Variants in OR6Y1 observed in about 807,000 individuals in gnomAD.
OR6Y1 encodes olfactory receptor family 6 subfamily Y member 1.
OR6Y1 carries 1 observed loss-of-function variant against 0.4 expected under a neutral mutation model. The observed-to-expected ratio is 2.74, with a 90% CI of 0.97 to 13.02. The LOEUF is 13.02. Ranked by LOEUF, OR6Y1 falls within the 30% of genes most tolerant of loss-of-function variation. OR6Y1 has a pLI of 0.12. For synonymous variants in OR6Y1, 173 were observed against 141.1 expected (o/e 1.23, Z -1.60); for missense variants, 480 against 399.8 (o/e 1.20, Z -1.71).
chr1:158,548,030 G>A lies in OR6Y1; in HGVS notation c.76C>T (p.Pro26Ser), dbSNP rs1462821404. 1 of 1,613,458 alleles carries A rather than the reference G, an allele frequency of 6.2e-7. No individual in the cohort carries two copies. Among genetic ancestry groups the A allele is most frequent in the Non-Finnish European group, 8.5e-7 (1 of 1,179,990 alleles). The change falls in exon 2 of 2, where the codon CCA becomes TCA. Residue 26 changes from proline (P) to serine (S), a missense_variant. Pro to Ser is a moderately conservative substitution (Grantham distance 74). Coordinates refer to ENST00000641622, the MANE Select transcript of OR6Y1 (RefSeq NM_001005189.2). ...GAGAAAAAGAGAAGCTGGAAGGCTGGTCGTGTTGGAAACCCCAGAAGAATG... is the reference window on the plus strand; with the variant it reads ...GAGAAAAAGAGAAGCTGGAAGGCTGATCGTGTTGGAAACCCCAGAAGAATG... The part of the protein sequence containing the change: ...RFILLGFPTR[P>S]AFQLLFFSIF...
In OR6Y1 at chr1:158,547,837, A is replaced by C. The variant is rs144654913; in HGVS notation, c.269T>G (p.Phe90Cys). The C allele has an allele frequency of 2.5e-6, 4 of 1,613,658 alleles. No homozygotes were observed. The African/African-American group carries it at 5.4e-5, about 22-fold the overall frequency. ...GGAAATACTCTTGTCATGACTGAGG[A>C]AGTCAACAAGCATCTTGGGGCTGAT... is the stretch of plus-strand genomic sequence containing the variant. ...TVISPKMLVD[F>C]LSHDKSISFN... Residue 90 changes from phenylalanine to cysteine, a missense_variant, in exon 2 of 2, where the codon TTC (phenylalanine) becomes TGC (cysteine). Coordinates refer to ENST00000641622, the MANE Select transcript of OR6Y1 (RefSeq NM_001005189.2).
In OR6Y1 at chr1:158,547,448, C is replaced by A; in HGVS notation, c.658G>T (p.Val220Leu). The change falls in exon 2 of 2, where the codon GTG becomes TTG. Residue 220 changes from valine to leucine, a missense_variant. By Grantham distance (32) the Val-to-Leu change is conservative. Transcript: ENST00000641622. Reference sequence around the variant, plus strand: ...GCAAGGATAGCAGCGTAGGATGCCACCACAACACAAAGAGGAATAGCAATG... The same window carrying A: ...GCAAGGATAGCAGCGTAGGATGCCAACACAACACAAAGAGGAATAGCAATG... Reference protein sequence around the residue: ...MVIAIPLCVVVASYAAILATI... With the variant: ...MVIAIPLCVVLASYAAILATI... 1 of 1,613,348 alleles carries A rather than the reference C, an allele frequency of 6.2e-7. No individual in the cohort carries two copies. Among genetic ancestry groups the A allele is most frequent in the South Asian group, 1.1e-5 (1 of 91,068 alleles).
intron 1 of OR6Y1, among the ~76,000 whole-genome samples, chr1:158,553,881 T>G (rs10908684): frequency 0.19 from 29,320 of 152,128 alleles, 2,898 homozygotes; most frequent in South Asian, 0.22. Context: ...AAATTTTCAT[T>G]CTCAGGCTTA....
Position 158,549,210 on chromosome 1 carries a change from C to G in OR6Y1, c.-1105G>C, listed in dbSNP as rs868381124. The G allele has an allele frequency of 6.6e-6, 1 of 151,772 alleles. No individual in the cohort carries two copies. Among genetic ancestry groups the G allele is most frequent in the African/African-American group, 2.4e-5 (1 of 41,046 alleles). The allele number at this position is 151,772 out of a possible 1,614,324, so 9.4% of individuals were successfully genotyped here. On this transcript the variant is annotated 5_prime_UTR_variant, in exon 2 of 2. An upstream start codon of the reference 5' UTR is lost. Coordinates refer to ENST00000641622, the MANE Select transcript of OR6Y1 (RefSeq NM_001005189.2). ...AAGAATTCTATTAGTGACTCTTCTG[C>G]ATTTCTGTTCATTAATTTAGCAAAA...
rs1182157697 is a variant in OR6Y1 at position 158,544,683 on chromosome 1, C to T, written c.*2445G>A. ...TTAGTTATTTCTCCTGATCCTCTACCTCCTCCCACCCTGCACCCTCTAATG... is the reference window on the plus strand; with the variant it reads ...TTAGTTATTTCTCCTGATCCTCTACTTCCTCCCACCCTGCACCCTCTAATG... On this transcript the variant is annotated 3_prime_UTR_variant, in exon 2 of 2. Coordinates refer to ENST00000641622, the MANE Select transcript of OR6Y1 (RefSeq NM_001005189.2). 6.6e-6 allele frequency: 1 copy of T among 152,108 alleles called. No homozygotes were observed. Among genetic ancestry groups the T allele is most frequent in the Non-Finnish European group, 1.5e-5 (1 of 68,018 alleles). The allele number at this position is 152,108 out of a possible 1,614,324, so 9.4% of individuals were successfully genotyped here.
rs1268084182 is a variant in OR6Y1, at chr1:158,546,322, C to A, written c.*806G>T. On this transcript the variant is annotated 3_prime_UTR_variant, in exon 2 of 2. Transcript: ENST00000641622. ...GACATAACTTTGCCCATAACAACTA[C>A]CTATTTTTAAAATTATGTTTATATA... 1 of 151,962 alleles carries A rather than the reference C, an allele frequency of 6.6e-6. No homozygotes were observed. Among genetic ancestry groups the A allele is most frequent in the African/African-American group, 2.4e-5 (1 of 41,338 alleles). The allele number at this position is 151,962 out of a possible 1,614,324, so 9.4% of individuals were successfully genotyped here. A position where few individuals can be genotyped will look rare whatever the true frequency, so the allele number is the denominator to read the frequency against.
At chr1:158,553,556 A>T (rs1484059417) in intron 1 of OR6Y1, among the ~76,000 whole-genome samples, 1 of 151,992 alleles carries the variant, frequency 6.6e-6, no homozygotes, top group East Asian at 1.9e-4. Flanking sequence ...ATATATATAC[A>T]TATTAATTAA....
rs769298519 is a variant in OR6Y1 at position 158,547,141 on chromosome 1, G to A, written c.965C>T (p.Ala322Val). 6.2e-7 allele frequency: 1 copy of A among 1,612,030 alleles called. No homozygotes were observed. The highest frequency in any genetic ancestry group is 1.3e-5 in the African/African-American group (1 of 74,254). ...TCTATACATTTTTTAACTACTGAAA[G>A]CCCCATTTCCCTGGGGCCCACTTCC... Reference protein sequence around the residue: ...CRGSGPQGNGAFSS With the variant: ...CRGSGPQGNGVFSS Residue 322 changes from alanine to valine, a missense_variant, in exon 2 of 2, where the codon GCT becomes GTT. Ala to Val is a moderately conservative substitution (Grantham distance 64). Transcript: ENST00000641622.
At chr1:158,553,562 A>G (rs1241573878) in intron 1 of OR6Y1, among the ~76,000 whole-genome samples, 1 of 152,006 alleles carries the variant, frequency 6.6e-6, no homozygotes, top group African/African-American at 2.4e-5. Flanking sequence ...ATACATATTA[A>G]TTAAAAATAA....
chr1:158,550,143 T>C (rs1038666399), intron 1 of OR6Y1, among the ~76,000 whole-genome samples: 1 of 151,722 alleles, frequency 6.6e-6, no homozygotes, highest in Non-Finnish European at 1.5e-5. Flanking sequence ...TCACCCACAG[T>C]GTCCTGTAGA....
chr1:158,553,627 TTTTG>T (rs1382070468), intron 1 of OR6Y1, among the ~76,000 whole-genome samples: 1 of 152,124 alleles, frequency 6.6e-6, no homozygotes, highest in Non-Finnish European at 1.5e-5. Context: ...CCAGACATCA[TTTTG>T]TTTGTCAGTC....
Position 158,548,221 on chromosome 1 carries a change from C to CT in OR6Y1, c.-117dup, listed in dbSNP as rs1647608623. ...AATTTATCACAATAGGAGGTTTCTG[C>CT]TTTTTTATCTTACTGCCTCTTGAAT... On this transcript the variant is annotated 5_prime_UTR_variant, in exon 2 of 2. Transcript: ENST00000641622. 3.0e-6 allele frequency: 3 copies of CT among 998,808 alleles called. No homozygotes were observed. The highest frequency in any genetic ancestry group is 2.4e-5 in the East Asian group (1 of 41,362). 61.9% of individuals were successfully genotyped at this position (998,808 alleles called of 1,614,324 possible).
At position 158,548,436 on chromosome 1, in the gene OR6Y1, C is replaced by A; in HGVS notation, c.-331G>T. 1 of 194,590 alleles carries A rather than the reference C, an allele frequency of 5.1e-6. No homozygotes were observed. Among genetic ancestry groups the A allele is most frequent in the Non-Finnish European group, 1.1e-5 (1 of 94,736 alleles). The allele number at this position is 194,590 out of a possible 1,614,324, so 12.1% of individuals were successfully genotyped here. On this transcript the variant is annotated 5_prime_UTR_variant, in exon 2 of 2. Transcript: ENST00000641622. ...GGCACATAAATGGTCTCCAGACCACCCTTTCACTACAGGCAAAACATCCCC... is the reference window on the plus strand; with the variant it reads ...GGCACATAAATGGTCTCCAGACCACACTTTCACTACAGGCAAAACATCCCC...
intron 1 of OR6Y1, among the ~76,000 whole-genome samples, chr1:158,554,023 A>G (rs1040969325): frequency 1.3e-5 from 2 of 152,214 alleles, no homozygotes; most frequent in Non-Finnish European, 2.9e-5. Context: ...TCTTTGTTGA[A>G]CTGGAACTAA....
At position 158,547,032 on chromosome 1, in the gene OR6Y1, G is replaced by A. The variant is rs1647555804; in HGVS notation, c.*96C>T. 8.5e-7 allele frequency: 1 copy of A among 1,170,628 alleles called. No individual in the cohort carries two copies. Among genetic ancestry groups the A allele is most frequent in the Non-Finnish European group, 1.2e-6 (1 of 823,028 alleles). 72.5% of individuals were successfully genotyped at this position (1,170,628 alleles called of 1,614,324 possible). ...ACACACAGAGGAGAGCAGTGTTACA[G>A]TACTGGAGATTGGGGGATAACCAAA... On this transcript the variant is annotated 3_prime_UTR_variant, in exon 2 of 2. Transcript: ENST00000641622.
Position 158,546,962 on chromosome 1 carries a change from T to C in OR6Y1, c.*166A>G. 1 of 604,058 alleles carries C rather than the reference T, an allele frequency of 1.7e-6. No homozygotes were observed. The highest frequency in any genetic ancestry group is 2.9e-5 in the East Asian group (1 of 34,082). The allele number at this position is 604,058 out of a possible 1,614,324, so 37.4% of individuals were successfully genotyped here. A position where few individuals can be genotyped will look rare whatever the true frequency, so the allele number is the denominator to read the frequency against. ...CCAGAGGTTACTTCTTGAGAACATG[T>C]TTCTCCAGTCATGATTGTGTATACA... On this transcript the variant is annotated 3_prime_UTR_variant, in exon 2 of 2. Transcript: ENST00000641622.
rs1237230711 is a variant in OR6Y1, at chr1:158,548,050, A to G, written c.56T>C (p.Leu19Pro). ...GGCTGGTCGTGTTGGAAACCCCAGAAGAATGAAACGTGTTGTCACTGTATG... is the reference window on the plus strand; with the variant it reads ...GGCTGGTCGTGTTGGAAACCCCAGAGGAATGAAACGTGTTGTCACTGTATG... ...DNHTVTTRFI[L>P]LGFPTRPAFQ... Residue 19 changes from leucine to proline, a missense_variant, in exon 2 of 2, where the codon CTT (leucine) becomes CCT (proline). Leu to Pro is a moderately conservative substitution (Grantham distance 98). Coordinates refer to ENST00000641622, the MANE Select transcript of OR6Y1 (RefSeq NM_001005189.2). 1.9e-6 allele frequency: 3 copies of G among 1,613,484 alleles called. No homozygotes were observed. The African/African-American group carries it at 4.0e-5, about 22-fold the overall frequency.
chr1:158,550,016 A>G (rs564010693), intron 1 of OR6Y1, among the ~76,000 whole-genome samples: 1 of 151,816 alleles, frequency 6.6e-6, no homozygotes, highest in Non-Finnish European at 1.5e-5. Flanking sequence ...GTCCATAGTG[A>G]TAGGATACCA....
chr1:158,548,983 T>C lies in OR6Y1; in HGVS notation c.-878A>G, dbSNP rs2101708584. ...ACTTTACTTACCCCACATACATAGC[T>C]CCTCCTCCTTTTAAAAAAACACACA... is the stretch of plus-strand genomic sequence containing the variant. On this transcript the variant is annotated 5_prime_UTR_variant, in exon 2 of 2. Transcript: ENST00000641622. 6.6e-6 allele frequency: 1 copy of C among 151,510 alleles called. No individual in the cohort carries two copies. Among genetic ancestry groups the C allele is most frequent in the South Asian group, 2.1e-4 (1 of 4,816 alleles). The allele number at this position is 151,510 out of a possible 1,614,324, so 9.4% of individuals were successfully genotyped here.
Sources: gnomAD v4.1 joint callset for allele counts (sites outside exome capture counted in the v4.1 genomes callset) on GRCh38, gnomAD v4.1.1 for gene constraint, MANE v1.5 for transcripts, NCBI Gene and HGNC (gene_info 2026-07-23, HGNC 2026-07-21) for gene names.